DNAJC14: variants seen among roughly 807,000 people sequenced by gnomAD.
DNAJC14 encodes dnaJ homolog subfamily C member 14.
DNAJC14 carries 12 observed loss-of-function variants against 68.8 expected under a neutral mutation model. That is an observed-to-expected ratio of 0.17 (90% CI 0.11 to 0.28). The LOEUF is 0.28. Among genes scored for constraint, DNAJC14 ranks in the 10% least tolerant of loss-of-function variants. DNAJC14 has a pLI of 1.00. For synonymous variants in DNAJC14, 350 were observed against 321.5 expected, an observed-to-expected ratio of 1.09 and a Z score of -0.95; for missense variants, 764 against 875.6, an observed-to-expected ratio of 0.87 and a Z score of 1.61.
chr12:55,825,915 T>G (rs1010295915), intron 2 of DNAJC14, among the ~76,000 whole-genome samples: 1 of 152,202 alleles, frequency 6.6e-6, no homozygotes, highest in African/African-American at 2.4e-5. Context: ...ACCTCCATTT[T>G]CTTGCCCTCT....
At chr12:55,829,464 A>G (rs1880909636) in intron 1 of DNAJC14, 25 bp downstream of exon 1, 1 of 178,488 alleles carries the variant, frequency 5.6e-6, no homozygotes, top group Non-Finnish European at 1.0e-5. Context: ...AAAAAAAACG[A>G]AAAAAAAAAA....
At chr12:55,828,786 G>A in intron 1 of DNAJC14, 72 bp from the exon 2 acceptor site, 1 of 1,391,068 alleles carries the variant, frequency 7.2e-7, no homozygotes, top group African/African-American at 1.4e-5. Flanking sequence ...TCAAATAGTG[G>A]ACACATTTAA....
chr12:55,828,121 G>A lies in DNAJC14; in HGVS notation c.538C>T (p.Pro180Ser), dbSNP rs1880855032. The change falls in exon 2 of 7, where the codon CCC becomes TCC. Residue 180 changes from proline (P) to serine (S), a missense_variant. Pro to Ser is a moderately conservative substitution (Grantham distance 74, BLOSUM62 -1). Around this residue, in one of 4 missense-constraint regions of DNAJC14, gnomAD observed 514 missense variants for 521.7 expected, o/e 0.99. Coordinates refer to ENST00000678005, the MANE Select transcript of DNAJC14 (RefSeq NM_032364.6). ...CTGGACACACGTGAAAAATCACTGG[G>A]GAACTTGAGAGATTCTTCATCATCA... Reference protein sequence around the residue: ...EYDDEESLKFPSDFSRVSSGK... With the variant: ...EYDDEESLKFSSDFSRVSSGK... The A allele has an allele frequency of 6.2e-7, 1 of 1,606,332 alleles. No homozygotes were observed.
intron 4 of DNAJC14, 85 bp from the exon 5 acceptor site, chr12:55,822,817 AGGGCT>A: frequency 6.5e-7 from 1 of 1,530,968 alleles, no homozygotes; most frequent in Non-Finnish European, 8.8e-7. Context: ...ATTCACAAAT[AGGGCT>A]GAAACATCTA....
Position 55,828,261 on chromosome 12 carries a change from C to T in DNAJC14, c.398G>A (p.Gly133Glu). Reference protein sequence around the residue: ...LSIPSACNCQGTPGIPEGPYS... With the variant: ...LSIPSACNCQETPGIPEGPYS... ...AGGCCCTTCTGGAATTCCAGGTGTTCCCTGGCAGTTGCAAGCAGATGGAAT... is the reference window on the plus strand; with the variant it reads ...AGGCCCTTCTGGAATTCCAGGTGTTTCCTGGCAGTTGCAAGCAGATGGAAT... Residue 133 changes from glycine to glutamate, a missense_variant, in exon 2 of 7, where the codon GGA becomes GAA. By Grantham distance (98) the Gly-to-Glu change is moderately conservative. Transcript: ENST00000678005. 1.2e-6 allele frequency: 2 copies of T among 1,605,024 alleles called. No homozygotes were observed. The highest frequency in any genetic ancestry group is 1.7e-6 in the Non-Finnish European group (2 of 1,176,216).
intron 2 of DNAJC14, among the ~76,000 whole-genome samples, chr12:55,825,375 C>T (rs1880765864): frequency 6.6e-6 from 1 of 152,068 alleles, no homozygotes; most frequent in Non-Finnish European, 1.5e-5. Context: ...CTCCAATTTA[C>T]ACACCTTACT....
Position 55,822,491 on chromosome 12 carries a change from A to G in DNAJC14, c.1796-16T>C, listed in dbSNP as rs369515981. The G allele has an allele frequency of 1.2e-6, 2 of 1,613,702 alleles. No homozygotes were observed. Among genetic ancestry groups the G allele is most frequent in the African/African-American group, 2.7e-5 (2 of 74,872 alleles). On this transcript the variant is annotated splice_polypyrimidine_tract_variant and intron_variant, in intron 5 of 6. Coordinates refer to ENST00000678005, the MANE Select transcript of DNAJC14 (RefSeq NM_032364.6). ...CCAGCCCACTCTATAAACATGAGAAATAATTAGCCAAAACGTCGCAGTTTA... is the reference window on the plus strand; with the variant it reads ...CCAGCCCACTCTATAAACATGAGAAGTAATTAGCCAAAACGTCGCAGTTTA...
Position 55,821,951 on chromosome 12 carries a change from A to G in DNAJC14, c.*26T>C, listed in dbSNP as rs997871454. Reference sequence around the variant, plus strand: ...GCTACAGCCCTTTTGACTCCCTGACATTGATTTGAGGAAAGAGAAGGGGCA... The same window carrying G: ...GCTACAGCCCTTTTGACTCCCTGACGTTGATTTGAGGAAAGAGAAGGGGCA... On this transcript the variant is annotated 3_prime_UTR_variant, in exon 7 of 7. Coordinates refer to ENST00000678005, the MANE Select transcript of DNAJC14 (RefSeq NM_032364.6). The G allele has an allele frequency of 4.4e-6, 7 of 1,593,768 alleles. No individual in the cohort carries two copies. The highest frequency in any genetic ancestry group is 1.7e-4 in the Middle Eastern group (1 of 5,944).
chr12:55,821,788 CAG>C lies in DNAJC14; in HGVS notation c.*187_*188del, dbSNP rs1880672187. 8.5e-6 allele frequency: 4 copies of C among 471,028 alleles called. No homozygotes were observed. The highest frequency in any genetic ancestry group is 3.9e-5 in the East Asian group (1 of 25,676). The allele number at this position is 471,028 out of a possible 1,614,324, so 29.2% of individuals were successfully genotyped here. On this transcript the variant is annotated 3_prime_UTR_variant, in exon 7 of 7. Transcript: ENST00000678005. ...GGGAGAATTGCTTGAACCCGGGAGA[CAG>C]AGGTTGCAGTAAGCTGAGATCACAC... is the stretch of plus-strand genomic sequence containing the variant.
rs185940197 is a variant in DNAJC14, at chr12:55,822,542, G to A, written c.1795+30C>T. 1.0e-4 allele frequency: 166 copies of A among 1,614,014 alleles called. No individual in the cohort carries two copies. In the Admixed American group the frequency reaches 2.3e-3, roughly 23 times the overall value. ...GAGCACATAAAAGATCAGGAAGTAT[G>A]AGCCTGTATTTCTAGAGGACAGAGA... On this transcript the variant is annotated intron_variant, in intron 5 of 6. Transcript: ENST00000678005.
At chr12:55,824,706 T>C (rs1880748785) in intron 2 of DNAJC14, among the ~76,000 whole-genome samples, 1 of 152,142 alleles carries the variant, frequency 6.6e-6, no homozygotes, top group African/African-American at 2.4e-5. Context: ...TCAAGAGAAA[T>C]TGAAAAATGA....
chr12:55,822,500 C>A (rs759768774), intron 5 of DNAJC14, 25 bp from the exon 6 acceptor site: 4 of 1,613,460 alleles, frequency 2.5e-6, no homozygotes, highest in Admixed American at 1.7e-5. Context: ...AATAATTAGC[C>A]AAAACGTCGC....
In DNAJC14 at chr12:55,821,862, T is replaced by C; in HGVS notation, c.*115A>G. On this transcript the variant is annotated 3_prime_UTR_variant, in exon 7 of 7. Transcript: ENST00000678005. Reference sequence around the variant, plus strand: ...CAGAGCAAGACTCCATCTCAAAAAATAAAAAGAAAAAGATTCAGTTCCTAG... The same window carrying C: ...CAGAGCAAGACTCCATCTCAAAAAACAAAAAGAAAAAGATTCAGTTCCTAG... The C allele has an allele frequency of 8.2e-7, 1 of 1,212,860 alleles. No individual in the cohort carries two copies. The highest frequency in any genetic ancestry group is 1.1e-6 in the Non-Finnish European group (1 of 878,936). The allele number at this position is 1,212,860 out of a possible 1,614,324, so 75.1% of individuals were successfully genotyped here. A position where few individuals can be genotyped will look rare whatever the true frequency, so the allele number is the denominator to read the frequency against.
At chr12:55,829,628 C>T (rs1880918062), upstream of DNAJC14, 1 of 983,764 alleles carries the variant, frequency 1.0e-6, no homozygotes, top group Non-Finnish European at 1.2e-6. Flanking sequence ...CGACCTGGGC[C>T]TACTTCCACT....
In DNAJC14 at chr12:55,829,536, C is replaced by T. The variant is rs1324497733; in HGVS notation, c.-104G>A. 1.4e-5 allele frequency: 14 copies of T among 985,338 alleles called. No homozygotes were observed. The highest frequency in any genetic ancestry group is 1.7e-5 in the Non-Finnish European group (14 of 829,934). The allele number at this position is 985,338 out of a possible 1,614,324, so 61.0% of individuals were successfully genotyped here. On this transcript the variant is annotated 5_prime_UTR_variant, in exon 1 of 7. Coordinates refer to ENST00000678005, the MANE Select transcript of DNAJC14 (RefSeq NM_032364.6). ...CCCCTCGAGCCGCCCGGCCTGGGGCCAGGGTGAGCTACGAGAGCCGCTCTC... is the reference window on the plus strand; with the variant it reads ...CCCCTCGAGCCGCCCGGCCTGGGGCTAGGGTGAGCTACGAGAGCCGCTCTC...
chr12:55,826,168 GGTGA>G (rs1313805058), intron 2 of DNAJC14, among the ~76,000 whole-genome samples: 1 of 151,916 alleles, frequency 6.6e-6, no homozygotes, highest in African/African-American at 2.4e-5. Flanking sequence ...AGATTTTCCA[GGTGA>G]GTGAGTTCTA....
intron 5 of DNAJC14, 33 bp downstream of exon 5, chr12:55,822,539 T>C: frequency 6.2e-7 from 1 of 1,613,958 alleles, no homozygotes; most frequent in Non-Finnish European, 8.5e-7. Context: ...GATCAGGAAG[T>C]ATGAGCCTGT....
chr12:55,822,496 T>A, intron 5 of DNAJC14, 21 bp from the exon 6 acceptor site: 1 of 1,613,568 alleles, frequency 6.2e-7, no homozygotes, highest in Non-Finnish European at 8.5e-7. Flanking sequence ...GAGAAATAAT[T>A]AGCCAAAACG....
In DNAJC14 at chr12:55,828,665, G is replaced by A. The variant is rs376268886; in HGVS notation, c.-7C>T. 9 of 1,608,064 alleles carry A rather than the reference G, an allele frequency of 5.6e-6. No homozygotes were observed. The highest frequency in any genetic ancestry group is 2.2e-5 in the East Asian group (1 of 44,804). On this transcript the variant is annotated 5_prime_UTR_variant, in exon 2 of 7. Transcript: ENST00000678005. ...CGGGGTGCTTCTGGGCCATGACCCCGGGGCTTCCTGAGGGTCTTAGGTCAC... is the reference window on the plus strand; with the variant it reads ...CGGGGTGCTTCTGGGCCATGACCCCAGGGCTTCCTGAGGGTCTTAGGTCAC...
Sources: allele counts gnomAD v4.1 joint callset (sites outside exome capture counted in the v4.1 genomes callset), GRCh38; gene constraint gnomAD v4.1.1; regional missense constraint gnomAD v4.1.1; transcripts MANE v1.5; gene names NCBI Gene and HGNC (gene_info 2026-07-23, HGNC 2026-07-21).